Variants in WRAP53 observed in about 807,000 individuals in gnomAD.
WRAP53 encodes the protein telomerase Cajal body protein 1.
Under a neutral mutation model 56.6 loss-of-function variants are expected in WRAP53, and 28 were observed. That is an observed-to-expected ratio of 0.50 (90% CI 0.37 to 0.68). The LOEUF (loss-of-function observed/expected upper bound fraction) is 0.68. Ranked by LOEUF, WRAP53 falls within the 30% of genes least tolerant of loss-of-function variation. WRAP53 has a pLI of 0.00. For missense variants in WRAP53, 671 were observed against 715.5 expected, an observed-to-expected ratio of 0.94 and a Z score of 0.71; for synonymous variants, 283 against 283.4, an observed-to-expected ratio of 1.00 and a Z score of 0.01.
upstream of WRAP53, chr17:7,686,256 A>G (rs2073962710): frequency 6.6e-6 from 1 of 151,186 alleles, no homozygotes; most frequent in East Asian, 1.9e-4. Flanking sequence ...TTATCAAACG[A>G]CCCATCATTG....
chr17:7,694,313 G>C (rs2074153692), intron 4 of WRAP53, among the ~76,000 whole-genome samples: 1 of 130,774 alleles, frequency 7.6e-6, no homozygotes, highest in Non-Finnish European at 1.5e-5. Flanking sequence ...GTGTGATCTT[G>C]CCTCACTGCA....
At position 7,702,861 on chromosome 17, in the gene WRAP53, C is replaced by T. The variant is rs2074294014; in HGVS notation, c.1268+15C>T. 6.2e-7 allele frequency: 1 copy of T among 1,613,522 alleles called. No homozygotes were observed. Among genetic ancestry groups the T allele is most frequent in the African/African-American group, 1.3e-5 (1 of 74,894 alleles). On this transcript the variant is annotated intron_variant, in intron 9 of 10. Transcript: ENST00000396463. This position sits in a 1 kb window ranked among gnomAD's most constrained non-coding sequence, Gnocchi z 5.0. ...GATCTGGACCCGTGAGTGGCTGTGA[C>T]TCCTTCCTACACAGGGCCCTGATAA...
At chr17:7,699,522 T>TTATATTTATATATATATATATATA (rs2074245670) in intron 4 of WRAP53, among the ~76,000 whole-genome samples, 1 of 14,110 alleles carries the variant, frequency 7.1e-5, no homozygotes, top group Non-Finnish European at 1.2e-4. Context: ...ATATATATAT[T>TTATATTTATATATATATATATATA]TATATATATA....
chr17:7,696,814 G>C (rs1186569923), intron 4 of WRAP53, among the ~76,000 whole-genome samples: 2 of 151,684 alleles, frequency 1.3e-5, no homozygotes, highest in African/African-American at 4.8e-5. Flanking sequence ...AGGAACAGCA[G>C]GTTTGATGGT....
upstream of WRAP53, chr17:7,686,109 C>T (rs1028198170): frequency 6.6e-6 from 1 of 152,230 alleles, no homozygotes; most frequent in Admixed American, 6.5e-5. Flanking sequence ...AGAACCGGCT[C>T]GGGCCGGAGG....
At position 7,688,513 on chromosome 17, in the gene WRAP53, C is replaced by T. The variant is rs750849403; in HGVS notation, c.-50C>T. 2 of 929,208 alleles carry T rather than the reference C, an allele frequency of 2.2e-6. No homozygotes were observed. Among genetic ancestry groups the T allele is most frequent in the Non-Finnish European group, 3.2e-6 (2 of 623,314 alleles). The allele number at this position is 929,208 out of a possible 1,614,324, so 57.6% of individuals were successfully genotyped here. ...AAGAATTGGCGTCCGCTGTTCGCCT[C>T]TCCTCCCGGGAGTCTTCTGCCTACT... is the stretch of plus-strand genomic sequence containing the variant. On this transcript the variant is annotated 5_prime_UTR_variant, in exon 1 of 11. Transcript: ENST00000396463.
chr17:7,689,609 A>C lies in WRAP53; in HGVS notation c.550A>C (p.Ile184Leu), dbSNP rs776832907. Residue 184 changes from isoleucine to leucine, a missense_variant, in exon 4 of 11, where the codon ATC becomes CTC. Coordinates refer to ENST00000396463, the MANE Select transcript of WRAP53 (RefSeq NM_001143992.2). ...GCKWAPDGSC[I>L]LTNSADNILR... ...TTCTAGGGCTCCTGACGGTTCCTGC[A>C]TCTTGACCAATAGTGCTGATAACAT... The C allele has an allele frequency of 6.2e-6, 10 of 1,614,128 alleles. No individual in the cohort carries two copies. The Admixed American group carries it at 1.7e-4, about 27-fold the overall frequency.
In WRAP53 at chr17:7,701,419, T is replaced by C. The variant is rs2074271557; in HGVS notation, c.732-40T>C. 6.2e-7 allele frequency: 1 copy of C among 1,610,710 alleles called. No individual in the cohort carries two copies. Among genetic ancestry groups the C allele is most frequent in the Non-Finnish European group, 8.5e-7 (1 of 1,177,012 alleles). ...TGTGCCCGGCCATTCCTCCCCTTCC[T>C]TTGACAGCACCGGGGTTTCAGTGTC... On this transcript the variant is annotated intron_variant, in intron 5 of 10. Transcript: ENST00000396463. The surrounding 1 kb of genome is among the most constrained non-coding windows in gnomAD (Gnocchi z 4.2).
intron 4 of WRAP53, among the ~76,000 whole-genome samples, chr17:7,697,320 CAAAAAAAAAAAAAGAAAA>C (rs2074199352): frequency 1.1e-5 from 1 of 95,026 alleles, no homozygotes; most frequent in African/African-American, 3.7e-5. Context: ...ACTCTGCCTC[CAAAAAAAAAAAAAGAAAA>C]GAAAAAGAAA....
At chr17:7,698,738 G>C (rs1457413346) in intron 4 of WRAP53, among the ~76,000 whole-genome samples, 1 of 152,036 alleles carries the variant, frequency 6.6e-6, no homozygotes, top group Admixed American at 6.6e-5. Flanking sequence ...TTAGCCGGGC[G>C]TGATAGCAGG....
In WRAP53 at chr17:7,703,476, A is replaced by T; in HGVS notation, c.1637A>T (p.Glu546Val). Residue 546 changes from glutamate (E) to valine (V), a missense_variant, in exon 11 of 11, where the codon GAG (glutamate) becomes GTG (valine). By Grantham distance (121) the Glu-to-Val change is moderately radical. This residue lies in a region of WRAP53 where 107 missense variants were observed against 81.3 expected (regional missense o/e 1.32). Transcript: ENST00000396463. ...GQGGTEGGVG[E>V]LI ...GGAGGAACGGAGGGAGGTGTGGGTG[A>T]GCTGATATAAAAAGGTTTTTATGAT... 1 of 1,608,068 alleles carries T rather than the reference A, an allele frequency of 6.2e-7. No homozygotes were observed. Among genetic ancestry groups the T allele is most frequent in the South Asian group, 1.1e-5 (1 of 90,842 alleles).
rs202093256 is a variant in WRAP53, at chr17:7,689,817, C to T, written c.642+116C>T. The stretch of plus-strand genomic sequence containing the variant: ...TCACAAACGGGACTGTTTTTCAAGA[C>T]GAGTTTCCACATGTAGCGTTTTCTG... On this transcript the variant is annotated intron_variant, in intron 4 of 10. Transcript: ENST00000396463. 1.1e-3 allele frequency: 871 copies of T among 829,088 alleles called. 8 individuals carry two copies. The African/African-American group carries it at 0.013, about 12-fold the overall frequency. 51.4% of individuals were successfully genotyped at this position (829,088 alleles called of 1,614,324 possible).
At chr17:7,696,660 G>A (rs1254148731) in intron 4 of WRAP53, among the ~76,000 whole-genome samples, 5 of 152,150 alleles carry the variant, frequency 3.3e-5, no homozygotes, top group South Asian at 4.1e-4. Context: ...TGGGTCGGGG[G>A]TAGCACGTGG....
At chr17:7,689,354 A>G (rs1374068140) in intron 3 of WRAP53, 32 bp downstream of exon 3, 1 of 1,604,496 alleles carries the variant, frequency 6.2e-7, no homozygotes, top group Non-Finnish European at 8.5e-7. Context: ...GGAGCTGACC[A>G]CCCCCGAGAT....
At position 7,701,584 on chromosome 17, in the gene WRAP53, C is replaced by T. The variant is rs1011730246; in HGVS notation, c.822+35C>T. Reference sequence around the variant, plus strand: ...GCCATACTCAGCCCCAGCACTCGTACTGGCCCGGCTCTCCTTCCTTGAGGG... The same window carrying T: ...GCCATACTCAGCCCCAGCACTCGTATTGGCCCGGCTCTCCTTCCTTGAGGG... On this transcript the variant is annotated intron_variant, in intron 6 of 10. Coordinates refer to ENST00000396463, the MANE Select transcript of WRAP53 (RefSeq NM_001143992.2). The surrounding 1 kb of genome is among the most constrained non-coding windows in gnomAD (Gnocchi z 4.2). The T allele has an allele frequency of 6.2e-7, 1 of 1,614,268 alleles. No homozygotes were observed. Among genetic ancestry groups the T allele is most frequent in the South Asian group, 1.1e-5 (1 of 91,088 alleles).
chr17:7,691,785 A>T (rs912751685), intron 4 of WRAP53, among the ~76,000 whole-genome samples: 2 of 151,588 alleles, frequency 1.3e-5, no homozygotes, highest in Admixed American at 6.6e-5. Flanking sequence ...TCAGCCTTCC[A>T]AAGTGCTAGG....
In WRAP53 at chr17:7,700,819, G is replaced by C. The variant is rs1327608159; in HGVS notation, c.721G>C (p.Asp241His). Reference sequence around the variant, plus strand: ...TTCTCTGATGTCCTCAGCCCAGCCAGACACCTCCTAGTAAGTAATGTTTGC... The same window carrying C: ...TTCTCTGATGTCCTCAGCCCAGCCACACACCTCCTAGTAAGTAATGTTTGC... Reference protein sequence around the residue: ...WYSLMSSAQPDTSYVASSSRE... With the variant: ...WYSLMSSAQPHTSYVASSSRE... Residue 241 changes from aspartate to histidine, a missense_variant, in exon 5 of 11, where the codon GAC becomes CAC. Coordinates refer to ENST00000396463, the MANE Select transcript of WRAP53 (RefSeq NM_001143992.2). 1.2e-6 allele frequency: 2 copies of C among 1,611,866 alleles called. No homozygotes were observed. The highest frequency in any genetic ancestry group is 4.5e-5 in the East Asian group (2 of 44,826).
At position 7,702,740 on chromosome 17, in the gene WRAP53, C is replaced by T. The variant is rs779406985; in HGVS notation, c.1165-3C>T. The T allele has an allele frequency of 5.6e-6, 9 of 1,613,236 alleles. No individual in the cohort carries two copies. Among genetic ancestry groups the T allele is most frequent in the Non-Finnish European group, 7.6e-6 (9 of 1,179,978 alleles). ...GACTCCAGGTCCTGTTCCTTGTCTC[C>T]AGGATGCTGAGCTCCTGTGCTGGGA... On this transcript the variant is annotated splice_polypyrimidine_tract_variant and splice_region_variant and intron_variant, in intron 8 of 10. Transcript: ENST00000396463. The surrounding 1 kb of genome is among the most constrained non-coding windows in gnomAD (Gnocchi z 5.0).
rs1567577549 is a variant in WRAP53 at position 7,699,502 on chromosome 17, T to TATATATTTA, written c.643-1239_643-1238insATATATTTA. On this transcript the variant is annotated intron_variant, in intron 4 of 10. Transcript: ENST00000396463. ...TATATATATATATATATATATATAT[T>TATATATTTA]TATATATATATATATATATTTATAT... Among the ~76,000 whole-genome samples the TATATATTTA allele has an allele frequency of 7.8e-3, 91 of 11,736 alleles. 5 individuals are homozygous for TATATATTTA. Among genetic ancestry groups the TATATATTTA allele is most frequent in the Non-Finnish European group, 0.01 (77 of 7,586 alleles). 7.7% of individuals were successfully genotyped at this position (11,736 alleles called of 152,430 possible).
Sources: allele counts gnomAD v4.1 joint callset (sites outside exome capture counted in the v4.1 genomes callset), GRCh38; gene constraint gnomAD v4.1.1; regional missense constraint gnomAD v4.1.1; non-coding constraint Gnocchi (gnomAD v3.1); transcripts MANE v1.5; gene names NCBI Gene and HGNC (gene_info 2026-07-23, HGNC 2026-07-21).